Variants in LHFPL6 observed in about 807,000 individuals in gnomAD.
LHFPL6 encodes the protein LHFPL tetraspan subfamily member 6.
A neutral mutation model predicts 20.6 loss-of-function variants in LHFPL6; 9 were observed. The observed-to-expected ratio is 0.44, with a 90% CI of 0.26 to 0.76. The LOEUF (loss-of-function observed/expected upper bound fraction) is 0.76. Among genes scored for constraint, LHFPL6 ranks in the 30% least tolerant of loss-of-function variants. LHFPL6 has a pLI of 0.20. For missense variants in LHFPL6, 218 were observed against 253.5 expected, an observed-to-expected ratio of 0.86 and a Z score of 0.95; for synonymous variants, 105 against 98.7, an observed-to-expected ratio of 1.06 and a Z score of -0.38.
chr13:39,421,469 A>G (rs991871669), intron 2 of LHFPL6, among the ~76,000 whole-genome samples: 1 of 152,218 alleles, frequency 6.6e-6, no homozygotes, highest in African/African-American at 2.4e-5. Context: ...AAATTAAAAA[A>G]AATTCTCATT....
intron 2 of LHFPL6, among the ~76,000 whole-genome samples, chr13:39,523,807 T>G (rs928070218): frequency 6.6e-6 from 1 of 152,182 alleles, no homozygotes; most frequent in Admixed American, 6.5e-5. Flanking sequence ...TGAGTAAAAC[T>G]TCCAGAATCA....
chr13:39,505,198 G>A (rs1291169299), intron 2 of LHFPL6, among the ~76,000 whole-genome samples: 1 of 152,170 alleles, frequency 6.6e-6, no homozygotes, highest in Non-Finnish European at 1.5e-5. Flanking sequence ...TCAAGAGAAT[G>A]GTTTAACATC....
intron 2 of LHFPL6, among the ~76,000 whole-genome samples, chr13:39,440,733 G>C (rs1157591653): frequency 6.6e-6 from 1 of 151,964 alleles, no homozygotes; most frequent in East Asian, 1.9e-4. Flanking sequence ...GATATGGTTT[G>C]GCTGTGTCCC....
intron 2 of LHFPL6, among the ~76,000 whole-genome samples, chr13:39,434,606 C>G (rs1005121603): frequency 6.6e-6 from 1 of 152,130 alleles, no homozygotes; most frequent in African/African-American, 2.4e-5. Flanking sequence ...AGCTGACATC[C>G]TCACTGATGG....
chr13:39,586,159 T>A (rs1167440860), intron 2 of LHFPL6, among the ~76,000 whole-genome samples: 1 of 88,702 alleles, frequency 1.1e-5, no homozygotes, highest in Non-Finnish European at 2.2e-5. Flanking sequence ...CTCTTACATC[T>A]AATTATTGTG....
chr13:39,469,357 C>T (rs1283823504), intron 2 of LHFPL6, among the ~76,000 whole-genome samples: 1 of 152,222 alleles, frequency 6.6e-6, no homozygotes, highest in Non-Finnish European at 1.5e-5. Flanking sequence ...CACCACCACG[C>T]ACTTTCCCTC....
In LHFPL6 at chr13:39,355,867, G is replaced by C. The variant is rs75281249; in HGVS notation, c.485-11813C>G. 4.8e-3 allele frequency among the ~76,000 whole-genome samples: 738 copies of C among 152,250 alleles called. 21 individuals carry two copies. The East Asian group carries it at 0.088, about 18-fold the overall frequency. ...CTCAGTGTATAAACACCCAACATTA[G>C]AGCACCTCGATTAATAGAAGAAGCA... On this transcript the variant is annotated intron_variant, in intron 3 of 3. Transcript: ENST00000379589.
intron 2 of LHFPL6, among the ~76,000 whole-genome samples, chr13:39,551,190 T>C (rs1300060885): frequency 1.3e-5 from 2 of 152,102 alleles, no homozygotes; most frequent in Non-Finnish European, 2.9e-5. Flanking sequence ...AGAGAACAGG[T>C]GCCTATTCAG....
chr13:39,462,635 T>A lies in LHFPL6; in HGVS notation c.386-84109A>T, dbSNP rs578057121. Among the ~76,000 whole-genome samples, 5 of 152,182 alleles carry A rather than the reference T, an allele frequency of 3.3e-5. No individual in the cohort carries two copies. The South Asian group carries it at 1.0e-3, about 32-fold the overall frequency. On this transcript the variant is annotated intron_variant, in intron 2 of 3. Transcript: ENST00000379589. ...AGGCTATGTGCTATTCATTACCCTC[T>A]CACTCTGTGAAGTGGGCAGTGGACA...
At chr13:39,459,139 G>A (rs1419822814) in intron 2 of LHFPL6, among the ~76,000 whole-genome samples, 2 of 151,194 alleles carry the variant, frequency 1.3e-5, no homozygotes, top group Non-Finnish European at 2.9e-5. Context: ...AGATTATAAA[G>A]ACCTGCCTGT....
At chr13:39,400,006 T>C (rs922821231) in intron 2 of LHFPL6, among the ~76,000 whole-genome samples, 3 of 152,112 alleles carry the variant, frequency 2.0e-5, no homozygotes, top group African/African-American at 7.2e-5. Context: ...CACAGGAGAA[T>C]TGCTCGAACC....
At chr13:39,445,266 A>G (rs1296901994) in intron 2 of LHFPL6, among the ~76,000 whole-genome samples, 4 of 152,260 alleles carry the variant, frequency 2.6e-5, no homozygotes, top group East Asian at 1.9e-4. Flanking sequence ...CTTTACCTTG[A>G]TAACTTATAA....
chr13:39,385,035 G>C (rs7989667), intron 2 of LHFPL6, among the ~76,000 whole-genome samples: 1 of 152,258 alleles, frequency 6.6e-6, no homozygotes, highest in South Asian at 2.1e-4. Flanking sequence ...CTATTTCTGC[G>C]ACCCCAAGGA....
intron 2 of LHFPL6, among the ~76,000 whole-genome samples, chr13:39,498,725 T>TA (rs760326920): frequency 6.6e-6 from 1 of 152,184 alleles, no homozygotes; most frequent in Non-Finnish European, 1.5e-5. Flanking sequence ...AATTCAAGGA[T>TA]AAAGGGTGCA....
At chr13:39,537,910 A>T (rs1436408069) in intron 2 of LHFPL6, among the ~76,000 whole-genome samples, 1 of 152,120 alleles carries the variant, frequency 6.6e-6, no homozygotes, top group Non-Finnish European at 1.5e-5. Flanking sequence ...AGGGAGCAAG[A>T]AATCAACGTC....
chr13:39,419,514 A>C (rs1224219290), intron 2 of LHFPL6, among the ~76,000 whole-genome samples: 2 of 152,240 alleles, frequency 1.3e-5, no homozygotes, highest in African/African-American at 4.8e-5. Flanking sequence ...TGTCTCATTC[A>C]TTATATGTGA....
chr13:39,515,342 T>G (rs1002461), intron 2 of LHFPL6, among the ~76,000 whole-genome samples: 2,854 of 152,308 alleles, frequency 0.019, 89 homozygotes, highest in East Asian at 0.13. Flanking sequence ...AAATAAAGCT[T>G]GAAGCACATC....
intron 2 of LHFPL6, among the ~76,000 whole-genome samples, chr13:39,584,525 CAAA>C (rs35746128): frequency 1.0e-4 from 6 of 58,820 alleles, no homozygotes; most frequent in Admixed American, 1.9e-4. Flanking sequence ...AACTCTGTCT[CAAA>C]AAAAAAAAAA....
At chr13:39,508,642 A>T (rs984479554) in intron 2 of LHFPL6, among the ~76,000 whole-genome samples, 2 of 152,152 alleles carry the variant, frequency 1.3e-5, no homozygotes, top group African/African-American at 4.8e-5. Context: ...ATTTATCTGC[A>T]TTGTTGCATG....
Sources: gnomAD v4.1 joint callset for allele counts (sites outside exome capture counted in the v4.1 genomes callset) on GRCh38, gnomAD v4.1.1 for gene constraint, MANE v1.5 for transcripts, NCBI Gene and HGNC (gene_info 2026-07-23, HGNC 2026-07-21) for gene names.